TBC1D5: variants seen among roughly 807,000 people sequenced by gnomAD.
TBC1D5 encodes the protein TBC1 domain family, member 5.
In TBC1D5, 75 loss-of-function variants were observed where a neutral mutation model predicts 100.3. That is an observed-to-expected ratio of 0.75 (90% confidence interval 0.62 to 0.91). TBC1D5 has a LOEUF of 0.91. TBC1D5 is among the 40% of genes least tolerant of loss of function. The probability of loss-of-function intolerance (pLI) is 0.00; values close to 1 mark genes in which losing one functional copy is unlikely to be tolerated. For synonymous variants in TBC1D5, 323 were observed against 325.6 expected (o/e 0.99, Z 0.09); for missense variants, 910 against 942.4 (o/e 0.97, Z 0.45).
intron 2 of TBC1D5, among the ~76,000 whole-genome samples, chr3:17,592,586 C>T (rs1048279268): frequency 3.3e-5 from 5 of 152,172 alleles, no homozygotes; most frequent in Admixed American, 1.3e-4. Context: ...TTTGTTACTC[C>T]AGCTCATTTG....
rs562387093 is a variant in TBC1D5 at position 17,243,363 on chromosome 3, C to A, written c.1332-4944G>T. Among the ~76,000 whole-genome samples the A allele has an allele frequency of 4.6e-5, 7 of 152,146 alleles. No individual in the cohort carries two copies. The South Asian group carries it at 1.5e-3, about 32-fold the overall frequency. On this transcript the variant is annotated intron_variant, in intron 16 of 21. Coordinates refer to ENST00000253692, the Ensembl canonical transcript of TBC1D5. ...TACCCAATATATCAAATAGAAGAAT[C>A]AAATTTTTTAATGTTTTCAACATAA...
upstream of TBC1D5, among the ~76,000 whole-genome samples, chr3:17,741,581 C>A (rs1327652204): frequency 1.3e-5 from 2 of 152,052 alleles, no homozygotes; most frequent in Non-Finnish European, 1.5e-5. Flanking sequence ...GGATTTTGTC[C>A]AATTCAGAGT....
chr3:17,337,794 T>C (rs1465962608), intron 13 of TBC1D5, among the ~76,000 whole-genome samples: 1 of 152,208 alleles, frequency 6.6e-6, no homozygotes, highest in African/African-American at 2.4e-5. Flanking sequence ...ACAATAACTG[T>C]TAACGAGTAC....
intron 8 of TBC1D5, among the ~76,000 whole-genome samples, chr3:17,396,845 C>T (rs1283209598): frequency 6.6e-6 from 1 of 152,084 alleles, no homozygotes; most frequent in Non-Finnish European, 1.5e-5. Context: ...TAGACATTTA[C>T]ATTACATATT....
intron 2 of TBC1D5, among the ~76,000 whole-genome samples, chr3:17,580,012 C>T (rs1210254905): frequency 6.6e-6 from 1 of 152,092 alleles, no homozygotes; most frequent in Admixed American, 6.6e-5. Flanking sequence ...ACAATAGACA[C>T]TTGGCATCCG....
chr3:17,594,652 A>G (rs2060450674), intron 2 of TBC1D5, among the ~76,000 whole-genome samples: 1 of 152,220 alleles, frequency 6.6e-6, no homozygotes. Flanking sequence ...ACATAGATTT[A>G]CCGACTTCAT....
chr3:17,485,919 T>C (rs2095560430), intron 3 of TBC1D5, among the ~76,000 whole-genome samples: 1 of 152,156 alleles, frequency 6.6e-6, no homozygotes, highest in African/African-American at 2.4e-5. Context: ...ATCGCCACAC[T>C]GACTTCCACA....
intron 1 of TBC1D5, among the ~76,000 whole-genome samples, chr3:17,663,744 TTGAC>T (rs1234697129): frequency 2.0e-5 from 3 of 152,158 alleles, no homozygotes; most frequent in African/African-American, 7.2e-5. Flanking sequence ...AAAAAGTAGT[TTGAC>T]TGTAGTAGTA....
chr3:17,473,540 C>T (rs951125673), intron 3 of TBC1D5, among the ~76,000 whole-genome samples: 1 of 152,158 alleles, frequency 6.6e-6, no homozygotes, highest in African/African-American at 2.4e-5. Flanking sequence ...ACACTAAGCT[C>T]TGAGAGAAAG....
intron 13 of TBC1D5, among the ~76,000 whole-genome samples, chr3:17,363,818 A>G (rs1205971215): frequency 6.6e-6 from 1 of 152,002 alleles, no homozygotes; most frequent in Non-Finnish European, 1.5e-5. Context: ...TTAATGGATT[A>G]GTGATTTCTT....
chr3:17,417,018 C>A (rs2094092394), intron 4 of TBC1D5, among the ~76,000 whole-genome samples: 2 of 152,050 alleles, frequency 1.3e-5, no homozygotes, highest in South Asian at 4.2e-4. Flanking sequence ...GTACTGCTTC[C>A]CTGTGGTAAG....
At chr3:17,410,741 A>C (rs1467499175) in intron 4 of TBC1D5, among the ~76,000 whole-genome samples, 1 of 152,186 alleles carries the variant, frequency 6.6e-6, no homozygotes, top group African/African-American at 2.4e-5. Flanking sequence ...GTAGAAGTGG[A>C]ACCTGAAGAT....
intron 18 of TBC1D5, among the ~76,000 whole-genome samples, chr3:17,186,359 A>C (rs1423858633): frequency 6.6e-6 from 1 of 152,240 alleles, no homozygotes; most frequent in Non-Finnish European, 1.5e-5. Flanking sequence ...TATTGTTTTT[A>C]ACTGCTGCCT....
At chr3:17,673,207 C>A (rs1284349948) in intron 1 of TBC1D5, among the ~76,000 whole-genome samples, 2 of 152,006 alleles carry the variant, frequency 1.3e-5, no homozygotes, top group South Asian at 4.1e-4. Context: ...GCAGTTATCT[C>A]TGGGAAGGGA....
chr3:17,224,078 A>G (rs967880123), intron 17 of TBC1D5, among the ~76,000 whole-genome samples: 4 of 152,236 alleles, frequency 2.6e-5, no homozygotes, highest in African/African-American at 9.6e-5. Flanking sequence ...TAGGATACAT[A>G]TATTTTGTGA....
rs749422021 is a variant in TBC1D5, at chr3:17,238,119, A to G, written c.1588+44T>C. The G allele has an allele frequency of 1.3e-5, 20 of 1,580,832 alleles. No homozygotes were observed. The Admixed American group carries it at 3.5e-4, about 28-fold the overall frequency. ...CAGGCAGGTGAAGAAATCCCAGGCT[A>G]CACCATGAATGTTTTCTTTAGATTT... On this transcript the variant is annotated intron_variant, in intron 17 of 21. Transcript: ENST00000253692.
At chr3:17,535,337 G>C (rs898864059) in intron 2 of TBC1D5, among the ~76,000 whole-genome samples, 1 of 152,148 alleles carries the variant, frequency 6.6e-6, no homozygotes, top group Middle Eastern at 3.2e-3. Context: ...CAGAGGGCAG[G>C]AATCAGGCCC....
At chr3:17,317,889 A>G (rs913826788) in intron 13 of TBC1D5, among the ~76,000 whole-genome samples, 1 of 152,120 alleles carries the variant, frequency 6.6e-6, no homozygotes, top group African/African-American at 2.4e-5. Flanking sequence ...ATATACCCAA[A>G]GGATTATAAA....
chr3:17,410,063 G>C (rs976802254), intron 4 of TBC1D5, among the ~76,000 whole-genome samples: 2 of 152,124 alleles, frequency 1.3e-5, no homozygotes, highest in Non-Finnish European at 2.9e-5. Flanking sequence ...GCAAGGCCTG[G>C]TTTCAGAGCT....
Sources: allele counts gnomAD v4.1 joint callset (sites outside exome capture counted in the v4.1 genomes callset), GRCh38; gene constraint gnomAD v4.1.1; transcripts MANE v1.5; gene names NCBI Gene and HGNC (gene_info 2026-07-23, HGNC 2026-07-21).